NEMP1: variants seen among roughly 807,000 people sequenced by gnomAD.
NEMP1 encodes transmembrane protein 194.
NEMP1 carries 29 observed loss-of-function variants against 53.7 expected under a neutral mutation model. That is an observed-to-expected ratio of 0.54 (90% CI 0.40 to 0.74). The LOEUF is 0.74. Among genes scored for constraint, NEMP1 ranks in the 30% least tolerant of loss-of-function variants. NEMP1 has a pLI of 0.00. For synonymous variants in NEMP1, 193 were observed against 192.9 expected (o/e 1.00, Z 0.00); for missense variants, 477 against 528.6 (o/e 0.90, Z 0.96).
At position 57,064,663 on chromosome 12, in the gene NEMP1, A is replaced by G. The variant is rs1252522093; in HGVS notation, c.622T>C (p.Ser208Pro). The G allele has an allele frequency of 1.2e-6, 2 of 1,611,884 alleles. No individual in the cohort carries two copies. The highest frequency in any genetic ancestry group is 1.7e-6 in the Non-Finnish European group (2 of 1,178,734). ...ASLLIIIFIL[S>P]KFMPKKSPIY... ...ATACTTACCTTAGGCATAAACTTAG[A>G]TAGTATAAAAATGATGATTAGCAGA... Residue 208 changes from serine to proline, a missense_variant, in exon 5 of 9, where the codon TCT (serine) becomes CCT (proline). Physicochemically the swap from Ser to Pro is moderately conservative, Grantham distance 74. Coordinates refer to ENST00000300128, the MANE Select transcript of NEMP1 (RefSeq NM_001130963.2).
upstream of NEMP1, among the ~76,000 whole-genome samples, chr12:57,081,714 T>G (rs1387554249): frequency 6.8e-6 from 1 of 148,136 alleles, no homozygotes; most frequent in East Asian, 2.0e-4. Context: ...GAGACCATCC[T>G]GGCTAACATG....
Position 57,058,297 on chromosome 12 carries a change from A to T in NEMP1, c.*1582T>A, listed in dbSNP as rs1364645393. 1 of 152,172 alleles carries T rather than the reference A, an allele frequency of 6.6e-6. No homozygotes were observed. 9.4% of individuals were successfully genotyped at this position (152,172 alleles called of 1,614,324 possible). On this transcript the variant is annotated 3_prime_UTR_variant, in exon 9 of 9. Coordinates refer to ENST00000300128, the MANE Select transcript of NEMP1 (RefSeq NM_001130963.2). ...TGGAGCTAGGCCTTTCAAAATTACC[A>T]CGCTAAATGGCTGGTCTAAAGGAGT...
chr12:57,083,223 G>A (rs763518011), upstream of NEMP1, among the ~76,000 whole-genome samples: 10 of 152,068 alleles, frequency 6.6e-5, no homozygotes, highest in Non-Finnish European at 8.8e-5. Context: ...ACTGACCACT[G>A]ACTATTAAAA....
rs979799918 is a variant in NEMP1 at position 57,059,401 on chromosome 12, A to G, written c.*478T>C. 1 of 152,548 alleles carries G rather than the reference A, an allele frequency of 6.6e-6. No individual in the cohort carries two copies. Among genetic ancestry groups the G allele is most frequent in the Non-Finnish European group, 1.5e-5 (1 of 68,268 alleles). 9.4% of individuals were successfully genotyped at this position (152,548 alleles called of 1,614,324 possible). On this transcript the variant is annotated 3_prime_UTR_variant, in exon 9 of 9. Coordinates refer to ENST00000300128, the MANE Select transcript of NEMP1 (RefSeq NM_001130963.2). ...TTTTCCTCCCAAAACAGTTAAATCAATAATTATTCTAAAGTCACTGAAATA... is the reference window on the plus strand; with the variant it reads ...TTTTCCTCCCAAAACAGTTAAATCAGTAATTATTCTAAAGTCACTGAAATA...
rs948958363 is a variant in NEMP1 at position 57,059,577 on chromosome 12, G to A, written c.*302C>T. 1.7e-5 allele frequency: 4 copies of A among 240,250 alleles called. No individual in the cohort carries two copies. The South Asian group carries it at 4.9e-4, about 29-fold the overall frequency. The allele number at this position is 240,250 out of a possible 1,614,324, so 14.9% of individuals were successfully genotyped here. A position where few individuals can be genotyped will look rare whatever the true frequency, so the allele number is the denominator to read the frequency against. On this transcript the variant is annotated 3_prime_UTR_variant, in exon 9 of 9. Transcript: ENST00000300128. ...CATGATTGAATCAACTTTCAAGAAG[G>A]AGCTAGAATGCCATGCTAGCTGTGG...
At chr12:57,081,347 G>A (rs1319230840), upstream of NEMP1, among the ~76,000 whole-genome samples, 3 of 151,966 alleles carry the variant, frequency 2.0e-5, no homozygotes, top group Non-Finnish European at 2.9e-5. Flanking sequence ...AGGTTCAAGC[G>A]ATTCTCCTGC....
chr12:57,069,438 TA>T, intron 3 of NEMP1, 132 bp from the exon 4 acceptor site: 1 of 593,808 alleles, frequency 1.7e-6, no homozygotes, highest in South Asian at 2.2e-5. Flanking sequence ...AAAAAGCATT[TA>T]AATTTCACCT....
At chr12:57,076,161 GAA>G (rs201363626) in intron 1 of NEMP1, among the ~76,000 whole-genome samples, 3,430 of 152,184 alleles carry the variant, frequency 0.023, 62 homozygotes, top group Non-Finnish European at 0.035. Flanking sequence ...TGAAAAACTA[GAA>G]ATACCACAAA....
chr12:57,064,350 T>C (rs2031971477), intron 5 of NEMP1, among the ~76,000 whole-genome samples, 165 bp from the exon 6 acceptor site: 1 of 152,168 alleles, frequency 6.6e-6, no homozygotes, highest in Non-Finnish European at 1.5e-5. Flanking sequence ...AATGGTACAG[T>C]CTGCAACGAA....
chr12:57,087,566 C>A (rs1179422536), intron 1 of NEMP1, among the ~76,000 whole-genome samples: 1 of 152,272 alleles, frequency 6.6e-6, no homozygotes, highest in Admixed American at 6.5e-5. Flanking sequence ...TGCTCGTTCC[C>A]ACCACCCCCA....
intron 1 of NEMP1, among the ~76,000 whole-genome samples, chr12:57,075,359 G>T (rs916004744): frequency 1.3e-5 from 2 of 151,190 alleles, no homozygotes; most frequent in Non-Finnish European, 2.9e-5. Context: ...CTGCACTCCA[G>T]CCTGGGCGAC....
chr12:57,078,585 C>T lies in NEMP1; in HGVS notation c.127+34G>A, dbSNP rs770157831. On this transcript the variant is annotated intron_variant, in intron 1 of 8. Coordinates refer to ENST00000300128, the MANE Select transcript of NEMP1 (RefSeq NM_001130963.2). ...TTTTCCAAAAATAACCCCCTCGGCACCTGCCCCCTTGGCAGCTGCTGCCCG... is the reference window on the plus strand; with the variant it reads ...TTTTCCAAAAATAACCCCCTCGGCATCTGCCCCCTTGGCAGCTGCTGCCCG... 3.8e-6 allele frequency: 6 copies of T among 1,593,158 alleles called. No individual in the cohort carries two copies. In the South Asian group the frequency reaches 6.8e-5, roughly 18 times the overall value.
intron 6 of NEMP1, 99 bp from the exon 7 acceptor site, chr12:57,063,443 G>A: frequency 2.4e-6 from 2 of 845,472 alleles, no homozygotes; most frequent in South Asian, 3.6e-5. Flanking sequence ...AGCACCAATT[G>A]AACTAGGAAA....
At position 57,058,394 on chromosome 12, in the gene NEMP1, G is replaced by T. The variant is rs769460260; in HGVS notation, c.*1485C>A. ...TGAGCCAGTAAGTCTGGTGCTGTGC[G>T]CTTGCCATGACCATCTATCTTCCTG... On this transcript the variant is annotated 3_prime_UTR_variant, in exon 9 of 9. Coordinates refer to ENST00000300128, the MANE Select transcript of NEMP1 (RefSeq NM_001130963.2). 1 of 152,162 alleles carries T rather than the reference G, an allele frequency of 6.6e-6. No individual in the cohort carries two copies. The highest frequency in any genetic ancestry group is 1.5e-5 in the Non-Finnish European group (1 of 68,050). The allele number at this position is 152,162 out of a possible 1,614,324, so 9.4% of individuals were successfully genotyped here. A position where few individuals can be genotyped will look rare whatever the true frequency, so the allele number is the denominator to read the frequency against.
At chr12:57,080,420 A>C (rs895524207), upstream of NEMP1, among the ~76,000 whole-genome samples, 16 of 152,010 alleles carry the variant, frequency 1.1e-4, no homozygotes, top group African/African-American at 3.9e-4. Flanking sequence ...CTCTACTAAA[A>C]ATACAAAAAT....
chr12:57,086,388 G>A (rs897394492), intron 1 of NEMP1, among the ~76,000 whole-genome samples: 1 of 152,114 alleles, frequency 6.6e-6, no homozygotes, highest in Non-Finnish European at 1.5e-5. Flanking sequence ...TGAGAGCACT[G>A]GGGATGGGGA....
intron 2 of NEMP1, among the ~76,000 whole-genome samples, chr12:57,071,122 A>G (rs758378526): frequency 1.3e-5 from 2 of 152,222 alleles, no homozygotes; most frequent in Admixed American, 6.5e-5. Flanking sequence ...TGTTAACATG[A>G]TCTGAATCTA....
chr12:57,069,309 G>A lies in NEMP1; in HGVS notation c.473-3C>T. The stretch of plus-strand genomic sequence containing the variant: ...AAGAAAGAGTTTGGGATCAAATCCT[G>A]AAATAAATAAAGATTTTTGCTTAAT... On this transcript the variant is annotated splice_region_variant and splice_polypyrimidine_tract_variant and intron_variant, in intron 3 of 8. Transcript: ENST00000300128. The A allele has an allele frequency of 6.5e-7, 1 of 1,537,032 alleles. No homozygotes were observed. Among genetic ancestry groups the A allele is most frequent in the Non-Finnish European group, 8.8e-7 (1 of 1,141,258 alleles).
chr12:57,061,944 A>G (rs1290844702), intron 7 of NEMP1, among the ~76,000 whole-genome samples: 1 of 152,050 alleles, frequency 6.6e-6, no homozygotes, highest in African/African-American at 2.4e-5. Flanking sequence ...GGTTGCGGTG[A>G]GCTGAGATAG....
Sources: gnomAD v4.1 joint callset for allele counts (sites outside exome capture counted in the v4.1 genomes callset) on GRCh38, gnomAD v4.1.1 for gene constraint, MANE v1.5 for transcripts, NCBI Gene and HGNC (gene_info 2026-07-23, HGNC 2026-07-21) for gene names.